OSBPL6: variants seen among roughly 807,000 people sequenced by gnomAD.
The protein encoded by OSBPL6 is oxysterol binding protein like 6.
OSBPL6 carries 49 observed loss-of-function variants against 125.8 expected under a neutral mutation model. That is an observed-to-expected ratio of 0.39 (90% confidence interval 0.31 to 0.49). The LOEUF is 0.49. OSBPL6 is among the 20% of genes least tolerant of loss of function. The pLI, the probability that OSBPL6 is intolerant of heterozygous loss-of-function variation, is 0.88. For missense variants in OSBPL6, 986 were observed against 1,135.4 expected (o/e 0.87, Z 1.89); for synonymous variants, 394 against 391.8 (o/e 1.01, Z -0.07).
intron 2 of OSBPL6, among the ~76,000 whole-genome samples, chr2:178,285,603 A>G (rs1355307668): frequency 6.6e-6 from 1 of 152,210 alleles, no homozygotes; most frequent in East Asian, 1.9e-4. Flanking sequence ...TGGCTGTGGT[A>G]CTAGCAATAC....
chr2:178,264,234 TTC>T (rs1286895065), intron 1 of OSBPL6, among the ~76,000 whole-genome samples: 1 of 152,200 alleles, frequency 6.6e-6, no homozygotes, highest in African/African-American at 2.4e-5. Context: ...TGAAGCATCA[TTC>T]TCTCATATAA....
chr2:178,270,658 T>C (rs908170758), intron 1 of OSBPL6, among the ~76,000 whole-genome samples: 2 of 152,232 alleles, frequency 1.3e-5, no homozygotes, highest in African/African-American at 4.8e-5. Flanking sequence ...AGTTGGATGT[T>C]TGATATGAAT....
At chr2:178,341,975 G>A (rs557482147) in intron 11 of OSBPL6, among the ~76,000 whole-genome samples, 2 of 152,138 alleles carry the variant, frequency 1.3e-5, no homozygotes, top group African/African-American at 4.8e-5. Flanking sequence ...TCAGTATTTT[G>A]CCTAGAGAGA....
chr2:178,262,777 A>G (rs562179713), intron 1 of OSBPL6, among the ~76,000 whole-genome samples: 2 of 152,324 alleles, frequency 1.3e-5, no homozygotes, highest in South Asian at 2.1e-4. Flanking sequence ...ATAGGCAACT[A>G]TATTCATCAT....
chr2:178,199,501 G>C (rs1049860789), intron 1 of OSBPL6, among the ~76,000 whole-genome samples: 4 of 151,872 alleles, frequency 2.6e-5, no homozygotes, highest in Non-Finnish European at 5.9e-5. Flanking sequence ...CTGGCTCTCT[G>C]AGATATTGAG....
At chr2:178,377,741 C>T (rs560259825) in intron 15 of OSBPL6, among the ~76,000 whole-genome samples, 2 of 152,218 alleles carry the variant, frequency 1.3e-5, no homozygotes, top group Non-Finnish European at 2.9e-5. Flanking sequence ...CAGACCCTTA[C>T]TCAAAGGTCA....
At chr2:178,318,717 G>C (rs77201125) in intron 3 of OSBPL6, among the ~76,000 whole-genome samples, 2,167 of 152,290 alleles carry the variant, frequency 0.014, 57 homozygotes, top group African/African-American at 0.05. Context: ...TGATCATGAG[G>C]TGATGCTGAC....
intron 9 of OSBPL6, 138 bp downstream of exon 9, chr2:178,336,571 C>A: frequency 2.0e-6 from 2 of 1,003,262 alleles, no homozygotes; most frequent in South Asian, 3.3e-5. Flanking sequence ...CTTTCTCCCC[C>A]TTGTTCTTAT....
Position 178,362,280 on chromosome 2 carries a change from C to A in OSBPL6, c.1287+465C>A, listed in dbSNP as rs529877698. ...ACTGATTACTATCACTCATTTTTTT[C>A]TTTTCTGATTTGCACTCTTGAGGTT... On this transcript the variant is annotated intron_variant, in intron 13 of 24. Coordinates refer to ENST00000190611, the MANE Select transcript of OSBPL6 (RefSeq NM_032523.4). Among the ~76,000 whole-genome samples, 407 of 151,892 alleles carry A rather than the reference C, an allele frequency of 2.7e-3. 1 individual carries two copies. Among genetic ancestry groups the A allele is most frequent in the Non-Finnish European group, 4.6e-3 (309 of 67,896 alleles).
At chr2:178,275,283 G>A (rs1386246467) in intron 1 of OSBPL6, among the ~76,000 whole-genome samples, 1 of 152,100 alleles carries the variant, frequency 6.6e-6, no homozygotes, top group East Asian at 1.9e-4. Context: ...AGGCTGAGGC[G>A]GGTGGATCAC....
chr2:178,401,838 G>A lies in OSBPL6; in HGVS notation c.*6279G>A, dbSNP rs1266321187. ...CCCGGGACATTTTAAGGTAGATGGA[G>A]AACTAAGGTGAGAGTGTGCCAGCTA... On this transcript the variant is annotated 3_prime_UTR_variant, in exon 25 of 25. Coordinates refer to ENST00000190611, the MANE Select transcript of OSBPL6 (RefSeq NM_032523.4). 2.6e-5 allele frequency: 4 copies of A among 152,250 alleles called. No homozygotes were observed. The highest frequency in any genetic ancestry group is 9.7e-5 in the African/African-American group (4 of 41,444). The allele number at this position is 152,250 out of a possible 1,614,324, so 9.4% of individuals were successfully genotyped here.
At chr2:178,392,185 T>C (rs1695463233) in intron 22 of OSBPL6, among the ~76,000 whole-genome samples, 1 of 152,244 alleles carries the variant, frequency 6.6e-6, no homozygotes, top group Non-Finnish European at 1.5e-5. Context: ...CAGTTTTGTT[T>C]GAAAGACAGG....
intron 3 of OSBPL6, among the ~76,000 whole-genome samples, chr2:178,322,240 T>C (rs2154071409): frequency 6.6e-6 from 1 of 152,300 alleles, no homozygotes; most frequent in Admixed American, 6.5e-5. Flanking sequence ...TACCACGTTT[T>C]TTTGGAGGTG....
Position 178,249,832 on chromosome 2 carries a change from T to G in OSBPL6, c.-350-35095T>G, listed in dbSNP as rs562109766. Among the ~76,000 whole-genome samples the G allele has an allele frequency of 1.3e-3, 200 of 149,874 alleles. 3 individuals carry two copies. The South Asian group carries it at 0.036, about 27-fold the overall frequency. ...TAAAATCCCTAACTAGAAGTGTTTT[T>G]TTTTTTTTTTTTTGGAATCTTATAT... On this transcript the variant is annotated intron_variant, in intron 1 of 24. Transcript: ENST00000190611.
In OSBPL6 at chr2:178,349,312, G is replaced by A; in HGVS notation, c.1076G>A (p.Ser359Asn). The A allele has an allele frequency of 6.2e-7, 1 of 1,614,110 alleles. No individual in the cohort carries two copies. Among genetic ancestry groups the A allele is most frequent in the Non-Finnish European group, 8.5e-7 (1 of 1,179,990 alleles). Residue 359 changes from serine (S) to asparagine (N), a missense_variant, in exon 12 of 25, where the codon AGC (serine) becomes AAC (asparagine). Around this residue, in one of 3 missense-constraint regions of OSBPL6, gnomAD observed 843 missense variants for 997.3 expected, o/e 0.85. Transcript: ENST00000190611. ...CADIEFQTPP[S>N]HLTDPLESST... ...GATATTGAATTTCAGACTCCCCCTA[G>A]CCACCTCACTGACCCTCTGGAAAGT...
Position 178,375,270 on chromosome 2 carries a change from G to A in OSBPL6, c.1533+1243G>A, listed in dbSNP as rs559285500. On this transcript the variant is annotated intron_variant, in intron 15 of 24. Coordinates refer to ENST00000190611, the MANE Select transcript of OSBPL6 (RefSeq NM_032523.4). ...CCATCATAGGGATACTCTGGCACAA[G>A]GACTTGGTATTTGTGTCTGTCTGCC... Among the ~76,000 whole-genome samples, 8 of 152,282 alleles carry A rather than the reference G, an allele frequency of 5.3e-5. No homozygotes were observed. The South Asian group carries it at 1.7e-3, about 32-fold the overall frequency.
intron 12 of OSBPL6, among the ~76,000 whole-genome samples, chr2:178,357,729 A>G (rs977718020): frequency 6.6e-6 from 1 of 152,200 alleles, no homozygotes; most frequent in Non-Finnish European, 1.5e-5. Flanking sequence ...CAATCCCGTT[A>G]CTGGGTATAT....
chr2:178,249,727 C>G (rs2091621414), intron 1 of OSBPL6, among the ~76,000 whole-genome samples: 1 of 151,950 alleles, frequency 6.6e-6, no homozygotes, highest in South Asian at 2.1e-4. Context: ...TTTCTACAAC[C>G]TTGGTTGTTA....
intron 1 of OSBPL6, among the ~76,000 whole-genome samples, chr2:178,278,180 G>A (rs1324948936): frequency 3.9e-5 from 6 of 152,072 alleles, no homozygotes. Flanking sequence ...CTCCTCTTTT[G>A]AGGAACTTCT....
Sources: allele counts gnomAD v4.1 joint callset (sites outside exome capture counted in the v4.1 genomes callset), GRCh38; gene constraint gnomAD v4.1.1; regional missense constraint gnomAD v4.1.1; transcripts MANE v1.5; gene names NCBI Gene and HGNC (gene_info 2026-07-23, HGNC 2026-07-21).